Variants in PDZD2 observed in about 807,000 individuals in gnomAD.
PDZD2 encodes the protein PDZ domain-containing protein 2.
PDZD2 carries 90 observed loss-of-function variants against 220.7 expected under a neutral mutation model. That is an observed-to-expected ratio of 0.41 (90% confidence interval 0.34 to 0.49). PDZD2 has a LOEUF of 0.49. Ranked by LOEUF, PDZD2 falls within the 20% of genes least tolerant of loss-of-function variation. The pLI is 0.28. For missense variants in PDZD2, 3,174 were observed against 3,608.5 expected (o/e 0.88, Z 3.08); for synonymous variants, 1,375 against 1,450.5 (o/e 0.95, Z 1.18).
In PDZD2 at chr5:32,089,271, G is replaced by A. The variant is rs140344861; in HGVS notation, c.5823G>A (p.Glu1941=). The A allele has an allele frequency of 6.8e-5, 110 of 1,614,128 alleles. No individual in the cohort carries two copies. In the African/African-American group the frequency reaches 1.3e-3, roughly 19 times the overall value. The change falls in exon 20 of 25, where the codon GAG becomes GAA. Residue 1941 remains glutamate (E), a synonymous_variant. Coordinates refer to ENST00000438447, the MANE Select transcript of PDZD2 (RefSeq NM_178140.4). ...VSQRLHVADH[E]DPDRNTTAAP... ...AGCGGCTCCATGTAGCCGACCACGAGGACCCTGACAGAAACACCACAGCTG... is the reference window on the plus strand; with the variant it reads ...AGCGGCTCCATGTAGCCGACCACGAAGACCCTGACAGAAACACCACAGCTG...
intron 1 of PDZD2, among the ~76,000 whole-genome samples, chr5:31,767,413 G>A (rs1752092307): frequency 6.6e-6 from 1 of 152,204 alleles, no homozygotes; most frequent in Non-Finnish European, 1.5e-5. Context: ...GTGGTAGACG[G>A]CAGTTCTCAG....
At position 31,901,397 on chromosome 5, in the gene PDZD2, G is replaced by A. The variant is rs905818782; in HGVS notation, c.477-81758G>A. On this transcript the variant is annotated intron_variant, in intron 2 of 24. Transcript: ENST00000438447. ...CATGCCACTGCACTCCAGCCTGGGT[G>A]ACAGAGCGAGACTGTCTCAAAAAAA... 9.5e-4 allele frequency among the ~76,000 whole-genome samples: 138 copies of A among 144,656 alleles called. 1 individual carries two copies. Among genetic ancestry groups the A allele is most frequent in the Admixed American group, 2.3e-3 (32 of 14,190 alleles). 94.9% of individuals were successfully genotyped at this position (144,656 alleles called of 152,430 possible).
At chr5:31,710,604 G>A (rs558846281) in intron 1 of PDZD2, among the ~76,000 whole-genome samples, 15 of 152,138 alleles carry the variant, frequency 9.9e-5, no homozygotes, top group Non-Finnish European at 1.9e-4. Flanking sequence ...GATCACCTCA[G>A]GTTAGGAGTT....
intron 1 of PDZD2, among the ~76,000 whole-genome samples, chr5:31,741,233 T>C (rs12519673): frequency 0.14 from 21,261 of 151,984 alleles, 1,685 homozygotes; most frequent in East Asian, 0.19. Flanking sequence ...CAGAAAAAGA[T>C]TGAAGAAATA....
intron 2 of PDZD2, among the ~76,000 whole-genome samples, chr5:31,815,902 A>G (rs944943019): frequency 5.3e-5 from 8 of 152,280 alleles, no homozygotes; most frequent in African/African-American, 1.9e-4. Flanking sequence ...CTCTTGGCCT[A>G]TTTCAGGGAA....
chr5:32,091,579 G>C (rs189637595), intron 20 of PDZD2, among the ~76,000 whole-genome samples: 5 of 152,012 alleles, frequency 3.3e-5, no homozygotes, highest in Non-Finnish European at 7.4e-5. Flanking sequence ...CACTGCACCC[G>C]GCCACTTCTT....
At chr5:31,727,477 C>T (rs1263028281) in intron 1 of PDZD2, among the ~76,000 whole-genome samples, 4 of 151,822 alleles carry the variant, frequency 2.6e-5, no homozygotes, top group African/African-American at 7.3e-5. Context: ...GAGGCCGAGG[C>T]GGGCGCATCA....
intron 1 of PDZD2, among the ~76,000 whole-genome samples, chr5:31,650,445 T>C (rs970447319): frequency 2.0e-5 from 3 of 152,048 alleles, no homozygotes; most frequent in Admixed American, 6.5e-5. Context: ...CCCTAAAGTC[T>C]CTACAGAGCC....
At chr5:31,838,426 G>A (rs771370253) in intron 2 of PDZD2, among the ~76,000 whole-genome samples, 3 of 152,156 alleles carry the variant, frequency 2.0e-5, no homozygotes, top group East Asian at 1.9e-4. Flanking sequence ...ATATAATCAC[G>A]TGGCTCAGCA....
At chr5:32,013,078 T>C (rs1018123390) in intron 6 of PDZD2, among the ~76,000 whole-genome samples, 1 of 152,092 alleles carries the variant, frequency 6.6e-6, no homozygotes, top group Non-Finnish European at 1.5e-5. Context: ...TCTTTAAGCA[T>C]ATTTGTATTT....
intron 2 of PDZD2, among the ~76,000 whole-genome samples, chr5:31,832,770 C>T (rs571800280): frequency 1.3e-5 from 2 of 152,096 alleles, no homozygotes; most frequent in East Asian, 1.9e-4. Context: ...GAGCCGAGAT[C>T]GCGCCACTGC....
intron 2 of PDZD2, among the ~76,000 whole-genome samples, chr5:31,959,332 T>TA (rs1748009673): frequency 6.6e-6 from 1 of 151,452 alleles, no homozygotes; most frequent in African/African-American, 2.4e-5. Flanking sequence ...TAACAGGTCT[T>TA]AGGGTTGTAC....
rs577563449 is a variant in PDZD2 at position 32,025,633 on chromosome 5, C to T, written c.1408-11598C>T. Among the ~76,000 whole-genome samples, 4 of 100,464 alleles carry T rather than the reference C, an allele frequency of 4.0e-5. No homozygotes were observed. In the East Asian group the frequency reaches 1.3e-3, roughly 32 times the overall value. The allele number at this position is 100,464 out of a possible 152,430, so 65.9% of individuals were successfully genotyped here. ...TTTTTTTTTTTTGGAAACAGTCTCA[C>T]TCTTGTCACCCAGGCTGGAGGGCAG... On this transcript the variant is annotated intron_variant, in intron 6 of 24. Transcript: ENST00000438447.
chr5:31,903,644 C>CAAAAAAAAAAAAAAAAAAAA (rs59822169), intron 2 of PDZD2, among the ~76,000 whole-genome samples: 1 of 99,730 alleles, frequency 1.0e-5, no homozygotes, highest in African/African-American at 3.7e-5. Flanking sequence ...GACCCTGTCT[C>CAAAAAAAAAAAAAAAAAAAA]AAAAAAAAAA....
chr5:31,689,353 A>ATATATATATATATTTTTTTTTT, intron 1 of PDZD2, among the ~76,000 whole-genome samples: 10 of 35,120 alleles, frequency 2.8e-4, no homozygotes, highest in African/African-American at 1.9e-3. Flanking sequence ...ATATATATAT[A>ATATATATATATATTTTTTTTTT]TTTTTTTTTT....
chr5:31,891,611 G>A (rs879274980), intron 2 of PDZD2, among the ~76,000 whole-genome samples: 25 of 151,716 alleles, frequency 1.6e-4, no homozygotes, highest in Admixed American at 2.0e-4. Context: ...CACCATGCCC[G>A]GCCGGTTTTT....
chr5:31,885,430 A>G lies in PDZD2; in HGVS notation c.476+85706A>G, dbSNP rs151194678. Reference sequence around the variant, plus strand: ...ACATATTCTTTGACCCAGAAATTGTACTTCTAGAATTGTGTTCTAAAGAAG... The same window carrying G: ...ACATATTCTTTGACCCAGAAATTGTGCTTCTAGAATTGTGTTCTAAAGAAG... On this transcript the variant is annotated intron_variant, in intron 2 of 24. Transcript: ENST00000438447. 5.9e-5 allele frequency among the ~76,000 whole-genome samples: 9 copies of G among 152,282 alleles called. No individual in the cohort carries two copies. In the East Asian group the frequency reaches 1.5e-3, roughly 26 times the overall value.
At chr5:31,767,532 T>C (rs1443123952) in intron 1 of PDZD2, among the ~76,000 whole-genome samples, 1 of 152,258 alleles carries the variant, frequency 6.6e-6, no homozygotes, top group East Asian at 1.9e-4. Flanking sequence ...AGACCTTCAT[T>C]TTTCTGTTGA....
intron 1 of PDZD2, among the ~76,000 whole-genome samples, chr5:31,707,312 AATTAATT>A (rs1561395704): frequency 4.0e-5 from 6 of 148,702 alleles, no homozygotes; most frequent in African/African-American, 9.9e-5. Flanking sequence ...TAAATAAATT[AATTAATT>A]AATTAATTAA....
Sources: gnomAD v4.1 joint callset for allele counts (sites outside exome capture counted in the v4.1 genomes callset) on GRCh38, gnomAD v4.1.1 for gene constraint, MANE v1.5 for transcripts, NCBI Gene and HGNC (gene_info 2026-07-23, HGNC 2026-07-21) for gene names.